Variants in SCD5 observed in about 807,000 individuals in gnomAD.
SCD5 encodes stearoyl-CoA desaturase 5, also known as acyl-CoA-desaturase 4.
SCD5 carries 20 observed loss-of-function variants against 30.4 expected under a neutral mutation model. That is an observed-to-expected ratio of 0.66 (90% confidence interval 0.46 to 0.96). The LOEUF (loss-of-function observed/expected upper bound fraction) is 0.96. Ranked by LOEUF, SCD5 falls within the 40% of genes least tolerant of loss-of-function variation. The probability of loss-of-function intolerance (pLI) is 0.00; values close to 1 mark genes in which losing one functional copy is unlikely to be tolerated. For missense variants in SCD5, 381 were observed against 443.3 expected, an observed-to-expected ratio of 0.86 and a Z score of 1.26; for synonymous variants, 173 against 176.4, an observed-to-expected ratio of 0.98 and a Z score of 0.16.
At chr4:82,666,398 C>G (rs577878740) in intron 3 of SCD5, among the ~76,000 whole-genome samples, 15 of 152,224 alleles carry the variant, frequency 9.9e-5, no homozygotes, top group African/African-American at 3.4e-4. Context: ...CGCCTGTAGT[C>G]CCACCTACTC....
intron 3 of SCD5, among the ~76,000 whole-genome samples, chr4:82,653,264 C>T (rs1727793577): frequency 6.6e-6 from 1 of 152,216 alleles, no homozygotes; most frequent in Admixed American, 6.5e-5. Flanking sequence ...TGGTCCCCCA[C>T]ACCCTCTTCT....
intron 2 of SCD5, among the ~76,000 whole-genome samples, chr4:82,683,099 G>A (rs759368336): frequency 2.6e-5 from 4 of 152,176 alleles, no homozygotes; most frequent in Admixed American, 6.5e-5. Context: ...AGAAAGTTCC[G>A]ACAAGCATAT....
At chr4:82,648,474 G>C (rs1474752387) in intron 3 of SCD5, among the ~76,000 whole-genome samples, 1 of 152,146 alleles carries the variant, frequency 6.6e-6, no homozygotes, top group Non-Finnish European at 1.5e-5. Flanking sequence ...AGTGTGCAGT[G>C]GTGCCTAAGA....
intron 1 of SCD5, among the ~76,000 whole-genome samples, chr4:82,716,112 T>C (rs1027983367): frequency 1.3e-5 from 2 of 151,920 alleles, no homozygotes; most frequent in African/African-American, 4.9e-5. Context: ...GAGCGTTCCA[T>C]GATTTCCCCT....
chr4:82,763,846 T>C (rs926702581), intron 1 of SCD5, among the ~76,000 whole-genome samples: 3 of 152,230 alleles, frequency 2.0e-5, no homozygotes, highest in Non-Finnish European at 4.4e-5. Context: ...ATTCCCTTTT[T>C]TCCTCAGCTG....
chr4:82,646,056 A>C (rs1727628969), intron 3 of SCD5, among the ~76,000 whole-genome samples: 1 of 152,156 alleles, frequency 6.6e-6, no homozygotes, highest in Non-Finnish European at 1.5e-5. Flanking sequence ...CCGACTTCCA[A>C]GGGGGCCAGC....
chr4:82,768,942 CT>C (rs56979468), intron 1 of SCD5, among the ~76,000 whole-genome samples: 12,955 of 140,702 alleles, frequency 0.092, 1,130 homozygotes, highest in African/African-American at 0.24. Flanking sequence ...AAACCTAAGA[CT>C]TTTTTTTTTT....
chr4:82,796,019 C>G (rs1352214403), intron 1 of SCD5, among the ~76,000 whole-genome samples: 2 of 151,526 alleles, frequency 1.3e-5, no homozygotes, highest in East Asian at 3.9e-4. Context: ...GCCTGTAATT[C>G]CAGCAGTTTA....
At chr4:82,753,313 G>A (rs1487319769) in intron 1 of SCD5, 1 of 524,304 alleles carries the variant, frequency 1.9e-6, no homozygotes, top group African/African-American at 1.9e-5. Flanking sequence ...CTGGGGTGGG[G>A]GTGGGGGGTT....
At chr4:82,680,681 G>C (rs1458634952) in intron 3 of SCD5, 26 bp downstream of exon 3, 2 of 1,609,504 alleles carry the variant, frequency 1.2e-6, no homozygotes. Context: ...CTGAGGGACA[G>C]CTCTCCGTCA....
intron 1 of SCD5, among the ~76,000 whole-genome samples, chr4:82,763,481 A>G (rs994578703): frequency 6.6e-6 from 1 of 152,238 alleles, no homozygotes; most frequent in Non-Finnish European, 1.5e-5. Context: ...ACTGCACTCC[A>G]GCCTGGGTGA....
At chr4:82,648,147 G>A (rs111725255) in intron 3 of SCD5, among the ~76,000 whole-genome samples, 5 of 152,216 alleles carry the variant, frequency 3.3e-5, no homozygotes, top group African/African-American at 1.2e-4. Flanking sequence ...AGTCGGGCTG[G>A]ACCATCTTCC....
chr4:82,670,947 G>A (rs1199666408), intron 3 of SCD5, among the ~76,000 whole-genome samples: 1 of 152,080 alleles, frequency 6.6e-6, no homozygotes, highest in East Asian at 1.9e-4. Flanking sequence ...GAGACTATCA[G>A]AGTGGATCAA....
chr4:82,732,318 G>A (rs749139874), intron 1 of SCD5, among the ~76,000 whole-genome samples: 5 of 152,074 alleles, frequency 3.3e-5, no homozygotes, highest in African/African-American at 7.2e-5. Context: ...TCGAACTCCC[G>A]ACCTCAAGTG....
chr4:82,733,874 A>G (rs1425694835), intron 1 of SCD5, among the ~76,000 whole-genome samples: 4 of 152,168 alleles, frequency 2.6e-5, no homozygotes, highest in Admixed American at 2.6e-4. Context: ...GCAGAAATCT[A>G]TGTCAAAGTA....
At chr4:82,773,248 T>G (rs1355604683) in intron 1 of SCD5, among the ~76,000 whole-genome samples, 1 of 152,186 alleles carries the variant, frequency 6.6e-6, no homozygotes, top group Non-Finnish European at 1.5e-5. Flanking sequence ...AAAGACGACA[T>G]AGTTGCAACA....
intron 1 of SCD5, among the ~76,000 whole-genome samples, chr4:82,788,302 C>A (rs1474308993): frequency 1.3e-5 from 2 of 152,170 alleles, no homozygotes; most frequent in African/African-American, 4.8e-5. Flanking sequence ...AGTGTCCAAC[C>A]CTGATCAGGC....
At chr4:82,679,573 T>C (rs1463487035) in intron 3 of SCD5, among the ~76,000 whole-genome samples, 1 of 152,204 alleles carries the variant, frequency 6.6e-6, no homozygotes, top group East Asian at 1.9e-4. Flanking sequence ...ATAAAAGCTG[T>C]AGGAGATAGG....
chr4:82,665,103 G>A lies in SCD5; in HGVS notation c.569+15604C>T, dbSNP rs1728153612. Among the ~76,000 whole-genome samples the A allele has an allele frequency of 2.8e-5, 4 of 144,086 alleles. No individual in the cohort carries two copies. In the South Asian group the frequency reaches 8.9e-4, roughly 32 times the overall value. The allele number at this position is 144,086 out of a possible 152,430, so 94.5% of individuals were successfully genotyped here. A position where few individuals can be genotyped will look rare whatever the true frequency, so the allele number is the denominator to read the frequency against. On this transcript the variant is annotated intron_variant, in intron 3 of 4. Coordinates refer to ENST00000319540, the MANE Select transcript of SCD5 (RefSeq NM_001037582.3). ...TTTTTTTTTAATTTAATCAGGCATG[G>A]TGGTATGTGCCTGTAGTCCGACTCA...
Sources: allele counts gnomAD v4.1 joint callset (sites outside exome capture counted in the v4.1 genomes callset), GRCh38; gene constraint gnomAD v4.1.1; transcripts MANE v1.5; gene names NCBI Gene and HGNC (gene_info 2026-07-23, HGNC 2026-07-21).